IRF8: variants seen among roughly 807,000 people sequenced by gnomAD.
IRF8 encodes the protein interferon consensus sequence binding protein 1.
In IRF8, 14 loss-of-function variants were observed where a neutral mutation model predicts 48.7. The ratio of observed to expected loss-of-function variants is 0.29; its 90% CI spans 0.19 to 0.45. The LOEUF is 0.45. IRF8 is among the 20% of genes least tolerant of loss of function. The pLI is 1.00. For missense variants in IRF8, 493 were observed against 580.7 expected (o/e 0.85, Z 1.55); for synonymous variants, 278 against 227.3 (o/e 1.22, Z -2.01).
rs943067927 is a variant in IRF8, at chr16:85,903,242, A to G, written c.174+53A>G. 2.7e-6 allele frequency: 4 copies of G among 1,475,882 alleles called. No homozygotes were observed. The African/African-American group carries it at 5.5e-5, about 20-fold the overall frequency. The allele number at this position is 1,475,882 out of a possible 1,614,324, so 91.4% of individuals were successfully genotyped here. ...GTGGGCACAGTGTCTCCTTTCCCTCATGGACTAGTGGAGATGTTGAGTGAC... is the reference window on the plus strand; with the variant it reads ...GTGGGCACAGTGTCTCCTTTCCCTCGTGGACTAGTGGAGATGTTGAGTGAC... On this transcript the variant is annotated intron_variant, in intron 2 of 8. Coordinates refer to ENST00000268638, the MANE Select transcript of IRF8 (RefSeq NM_002163.4).
At chr16:85,919,751 G>A (rs1022619580) in intron 7 of IRF8, among the ~76,000 whole-genome samples, 5 of 152,202 alleles carry the variant, frequency 3.3e-5, no homozygotes, top group Admixed American at 1.3e-4. Context: ...TCAGAGATTC[G>A]GGTGAGGGCT....
chr16:85,919,352 G>T (rs1905452760), intron 7 of IRF8, among the ~76,000 whole-genome samples: 1 of 152,160 alleles, frequency 6.6e-6, no homozygotes, highest in Non-Finnish European at 1.5e-5. Context: ...GGAGGGTTAG[G>T]ATGGCGTCTC....
Position 85,921,346 on chromosome 16 carries a change from G to T in IRF8, c.*64G>T. 6.6e-7 allele frequency: 1 copy of T among 1,522,122 alleles called. No homozygotes were observed. Among genetic ancestry groups the T allele is most frequent in the Non-Finnish European group, 9.1e-7 (1 of 1,104,502 alleles). The allele number at this position is 1,522,122 out of a possible 1,614,324, so 94.3% of individuals were successfully genotyped here. A position where few individuals can be genotyped will look rare whatever the true frequency, so the allele number is the denominator to read the frequency against. ...ATCCATCTCCCTGTTACAGTGGCCC[G>T]CATCATGATTAAAGAATGTGGATCC... On this transcript the variant is annotated 3_prime_UTR_variant, in exon 9 of 9. Transcript: ENST00000268638.
Position 85,920,173 on chromosome 16 carries a change from G to A in IRF8, c.1053G>A (p.Gly351=), listed in dbSNP as rs1176875636. 1.9e-6 allele frequency: 3 copies of A among 1,614,086 alleles called. No homozygotes were observed. The highest frequency in any genetic ancestry group is 3.3e-5 in the Admixed American group (2 of 60,018). Residue 351 remains glycine, a synonymous_variant, in exon 8 of 9, where the codon GGG becomes GGA. Transcript: ENST00000268638. ...ACGGCAGGGTGGTGCTGTGCTTTGG[G>A]GAAGAGTTTCCGGATATGGCCCCCT... ...LPDGRVVLCF[G]EEFPDMAPLR...
intron 2 of IRF8, among the ~76,000 whole-genome samples, chr16:85,904,888 C>T (rs907417290): frequency 7.0e-6 from 1 of 143,624 alleles, no homozygotes; most frequent in African/African-American, 2.7e-5. Context: ...TAAACAGTGC[C>T]AGAGTCCCAT....
chr16:85,910,979 G>T (rs1302796615), intron 3 of IRF8, among the ~76,000 whole-genome samples: 1 of 152,136 alleles, frequency 6.6e-6, no homozygotes, highest in Admixed American at 6.5e-5. Flanking sequence ...GCAGAGGCTG[G>T]CCCAGCGTGC....
intron 3 of IRF8, among the ~76,000 whole-genome samples, chr16:85,911,022 G>C (rs1178327197): frequency 6.6e-6 from 1 of 152,346 alleles, no homozygotes; most frequent in South Asian, 2.1e-4. Context: ...TAGGCGGTTT[G>C]TGATTACGGC....
rs773018092 is a variant in IRF8, at chr16:85,913,181, G to A, written c.498G>A (p.Pro166=). The change falls in exon 5 of 9, where the codon CCG becomes CCA. Residue 166 remains proline (P), a synonymous_variant. Transcript: ENST00000268638. ...TGATCAAAAGGAGCCCTTCCCCGCCGGAGGCCTGTCGGAGTCAGCTCCTTC... is the reference window on the plus strand; with the variant it reads ...TGATCAAAAGGAGCCCTTCCCCGCCAGAGGCCTGTCGGAGTCAGCTCCTTC... ...MGMIKRSPSP[P]EACRSQLLPD... 9 of 1,614,052 alleles carry A rather than the reference G, an allele frequency of 5.6e-6. No homozygotes were observed. The highest frequency in any genetic ancestry group is 2.2e-5 in the South Asian group (2 of 91,094).
chr16:85,915,441 G>A (rs1905272332), intron 6 of IRF8, among the ~76,000 whole-genome samples: 1 of 152,222 alleles, frequency 6.6e-6, no homozygotes, highest in Non-Finnish European at 1.5e-5. Flanking sequence ...AGCAGAGGTC[G>A]GTGCTCACCC....
chr16:85,902,712 T>G, intron 1 of IRF8: 1 of 427,944 alleles, frequency 2.3e-6, no homozygotes, highest in South Asian at 2.1e-5. Flanking sequence ...TGTATCTGCC[T>G]GAAAGGAAAG....
intron 6 of IRF8, among the ~76,000 whole-genome samples, chr16:85,917,468 A>G (rs1220216901): frequency 6.6e-6 from 1 of 152,210 alleles, no homozygotes. Context: ...TCAAATCTTA[A>G]TCTTAAAATA....
Position 85,918,497 on chromosome 16 carries a change from C to T in IRF8, c.682C>T (p.Arg228Cys), listed in dbSNP as rs148746145. Residue 228 changes from arginine (R) to cysteine (C), a missense_variant, in exon 7 of 9, where the codon CGC becomes TGC. By Grantham distance (180) the Arg-to-Cys change is radical. Coordinates refer to ENST00000268638, the MANE Select transcript of IRF8 (RefSeq NM_002163.4). ...QATTTCPEGC[R>C]LSLSQPGLPG... is the part of the protein sequence containing the mutation. Reference sequence around the variant, plus strand: ...CACCACCACCTGCCCCGAGGGCTGCCGCCTGTCCCTGAGCCAGCCTGGGCT... The same window carrying T: ...CACCACCACCTGCCCCGAGGGCTGCTGCCTGTCCCTGAGCCAGCCTGGGCT... The T allele has an allele frequency of 7.5e-6, 12 of 1,593,476 alleles. No homozygotes were observed. The highest frequency in any genetic ancestry group is 4.0e-5 in the African/African-American group (3 of 74,844).
chr16:85,902,983 A>G (rs777221166), intron 1 of IRF8, 32 bp from the exon 2 acceptor site: 21 of 1,612,242 alleles, frequency 1.3e-5, no homozygotes, highest in Middle Eastern at 3.3e-4. Context: ...CAATATCCGT[A>G]ATATCACAGC....
At chr16:85,899,936 G>A (rs575767652) in intron 1 of IRF8, among the ~76,000 whole-genome samples, 1 of 152,348 alleles carries the variant, frequency 6.6e-6, no homozygotes, top group South Asian at 2.1e-4. Context: ...ACTAGAGACT[G>A]AATTTTCCAG....
In IRF8 at chr16:85,921,296, G is replaced by A; in HGVS notation, c.*14G>A. On this transcript the variant is annotated 3_prime_UTR_variant, in exon 9 of 9. Coordinates refer to ENST00000268638, the MANE Select transcript of IRF8 (RefSeq NM_002163.4). ...ATCACCGTCTAAGTGCGTCGCTTGGGCGCCCCACCCCGTCTGCGTCCTGCA... is the reference window on the plus strand; with the variant it reads ...ATCACCGTCTAAGTGCGTCGCTTGGACGCCCCACCCCGTCTGCGTCCTGCA... The A allele has an allele frequency of 6.2e-7, 1 of 1,612,624 alleles. No homozygotes were observed. The highest frequency in any genetic ancestry group is 8.5e-7 in the Non-Finnish European group (1 of 1,179,846).
chr16:85,905,979 C>T (rs1597250490), intron 2 of IRF8, among the ~76,000 whole-genome samples: 1 of 152,270 alleles, frequency 6.6e-6, no homozygotes, highest in Admixed American at 6.5e-5. Flanking sequence ...TTTGTACCGA[C>T]CCTGAGTACA....
intron 7 of IRF8, 138 bp downstream of exon 7, chr16:85,918,941 A>G: frequency 2.6e-6 from 3 of 1,154,966 alleles, no homozygotes; most frequent in Non-Finnish European, 3.8e-6. Flanking sequence ...TGTGGCAAGG[A>G]GGTGCTCCTT....
At chr16:85,917,491 AT>A (rs1905352724) in intron 6 of IRF8, among the ~76,000 whole-genome samples, 1 of 152,224 alleles carries the variant, frequency 6.6e-6, no homozygotes, top group South Asian at 2.1e-4. Context: ...ACTTAAGTTT[AT>A]TTTAAATGAG....
intron 6 of IRF8, among the ~76,000 whole-genome samples, chr16:85,914,790 G>C (rs1024786538): frequency 1.3e-5 from 2 of 151,912 alleles, no homozygotes; most frequent in African/African-American, 2.4e-5. Flanking sequence ...GCAGGACCTC[G>C]TGTGGAAGTC....
Sources: gnomAD v4.1 joint callset for allele counts (sites outside exome capture counted in the v4.1 genomes callset) on GRCh38, gnomAD v4.1.1 for gene constraint, MANE v1.5 for transcripts, NCBI Gene and HGNC (gene_info 2026-07-23, HGNC 2026-07-21) for gene names.